WDR17: variants seen among roughly 807,000 people sequenced by gnomAD.
WDR17 encodes the protein WD repeat domain 17.
A neutral mutation model predicts 161.7 loss-of-function variants in WDR17; 143 were observed. The observed-to-expected ratio is 0.88, with a 90% CI of 0.77 to 1.02. WDR17 has a LOEUF of 1.02. Ranked by LOEUF, WDR17 falls within the 50% of genes least tolerant of loss-of-function variation. WDR17 has a pLI of 0.00. For missense variants in WDR17, 1,469 were observed against 1,520.9 expected, an observed-to-expected ratio of 0.97 and a Z score of 0.57; for synonymous variants, 517 against 515.6, an observed-to-expected ratio of 1.00 and a Z score of -0.04.
chr4:176,168,364 T>C (rs965463107), intron 22 of WDR17, among the ~76,000 whole-genome samples: 2 of 152,088 alleles, frequency 1.3e-5, no homozygotes, highest in African/African-American at 4.8e-5. Flanking sequence ...AAAGAACATA[T>C]TCAAAACTAC....
Position 176,177,578 on chromosome 4 carries a change from C to T in WDR17, c.3656C>T (p.Pro1219Leu), listed in dbSNP as rs746451912. The change falls in exon 28 of 29, where the codon CCA (proline) becomes CTA (leucine). Residue 1219 changes from proline (P) to leucine (L), a missense_variant. By Grantham distance (98) the Pro-to-Leu change is moderately conservative (BLOSUM62 -3). Coordinates refer to ENST00000508596, the MANE Select transcript of WDR17 (RefSeq NM_181265.4). ...KEESLKGIIG[P>L]DYVTGSNLPS... The stretch of plus-strand genomic sequence containing the variant: ...GAGTCACTGAAAGGAATTATTGGAC[C>T]AGATTATGTGACTGGATCAAATCTT... The T allele has an allele frequency of 1.9e-5, 30 of 1,596,222 alleles. No individual in the cohort carries two copies. The highest frequency in any genetic ancestry group is 1.5e-4 in the Admixed American group (8 of 53,052).
chr4:176,128,777 G>T lies in WDR17; in HGVS notation c.830G>T (p.Arg277Ile). Residue 277 changes from arginine (R) to isoleucine (I), a missense_variant, in exon 6 of 29, where the codon AGA becomes ATA. Arg to Ile is a moderately conservative substitution (Grantham distance 97, BLOSUM62 -3). Transcript: ENST00000508596. ...GTTTTACGCATTTGGAATGTTTCAAGAACAACACCTATTGATAATCTTAAA... is the reference window on the plus strand; with the variant it reads ...GTTTTACGCATTTGGAATGTTTCAATAACAACACCTATTGATAATCTTAAA... ...VGVLRIWNVS[R>I]TTPIDNLKLK... The T allele has an allele frequency of 6.2e-7, 1 of 1,604,648 alleles. No individual in the cohort carries two copies. The highest frequency in any genetic ancestry group is 1.1e-5 in the South Asian group (1 of 89,028).
chr4:176,139,134 C>T (rs527757835), intron 9 of WDR17, among the ~76,000 whole-genome samples: 1 of 151,910 alleles, frequency 6.6e-6, no homozygotes, highest in South Asian at 2.1e-4. Context: ...ACACAGCAAC[C>T]TTAAGCTACA....
At chr4:176,155,844 T>G (rs1021460732) in intron 17 of WDR17, among the ~76,000 whole-genome samples, 5 of 151,572 alleles carry the variant, frequency 3.3e-5, no homozygotes, top group Admixed American at 3.3e-4. Context: ...TTTACAGACA[T>G]CAGCCACCAT....
rs115072197 is a variant in WDR17 at position 176,165,990 on chromosome 4, A to G, written c.2991-2682A>G. 2.3e-3 allele frequency: 992 copies of G among 440,412 alleles called. 9 individuals are homozygous for G. Among genetic ancestry groups the G allele is most frequent in the African/African-American group, 0.019 (887 of 47,580 alleles). 27.3% of individuals were successfully genotyped at this position (440,412 alleles called of 1,614,324 possible). A position where few individuals can be genotyped will look rare whatever the true frequency, so the allele number is the denominator to read the frequency against. ...GAGCTGCACAGATTTTTTAAAAGAT[A>G]GCTACATCATTTATAAAGATGTGCA... On this transcript the variant is annotated intron_variant, in intron 22 of 28. Coordinates refer to ENST00000508596, the MANE Select transcript of WDR17 (RefSeq NM_181265.4).
At chr4:176,131,788 C>A in intron 7 of WDR17, 50 bp downstream of exon 7, 1 of 1,323,686 alleles carries the variant, frequency 7.6e-7, no homozygotes, top group South Asian at 2.1e-5. Flanking sequence ...TTTGTGTAAA[C>A]CCATGATCTT....
intron 25 of WDR17, among the ~76,000 whole-genome samples, 198 bp from the exon 26 acceptor site, chr4:176,174,419 A>G (rs1751171705): frequency 6.6e-6 from 1 of 152,164 alleles, no homozygotes; most frequent in Non-Finnish European, 1.5e-5. Flanking sequence ...TTTATAGTCT[A>G]ATTGATGGTA....
At chr4:176,123,192 T>C (rs1741874719) in intron 4 of WDR17, among the ~76,000 whole-genome samples, 1 of 152,232 alleles carries the variant, frequency 6.6e-6, no homozygotes, top group African/African-American at 2.4e-5. Flanking sequence ...TGTTTTATTT[T>C]AGGAATGTTG....
intron 1 of WDR17, among the ~76,000 whole-genome samples, chr4:176,075,982 G>GA (rs981263430): frequency 3.3e-5 from 5 of 150,124 alleles, no homozygotes; most frequent in African/African-American, 7.3e-5. Flanking sequence ...CTCAAAAAAG[G>GA]AAAAAAAAGT....
At chr4:176,177,391 A>C in intron 27 of WDR17, 80 bp from the exon 28 acceptor site, 1 of 1,304,194 alleles carries the variant, frequency 7.7e-7, no homozygotes. Context: ...CTAAATAATC[A>C]TCAGGGATAA....
intron 3 of WDR17, 37 bp from the exon 4 acceptor site, chr4:176,119,830 G>T (rs764174392): frequency 6.4e-7 from 1 of 1,554,768 alleles, no homozygotes; most frequent in Admixed American, 1.7e-5. Context: ...ATCTTATGCT[G>T]TATCTTTATT....
intron 20 of WDR17, among the ~76,000 whole-genome samples, chr4:176,161,836 C>T (rs1257129114): frequency 1.3e-5 from 2 of 152,152 alleles, no homozygotes; most frequent in Admixed American, 6.6e-5. Context: ...GAATGGTAAG[C>T]TTTTAAAATC....
chr4:176,155,583 GGCCCA>G (rs1378291045), intron 17 of WDR17, among the ~76,000 whole-genome samples: 2 of 113,758 alleles, frequency 1.8e-5, no homozygotes, highest in African/African-American at 7.7e-5. Flanking sequence ...CTTGCTCTGT[GGCCCA>G]GACTGGAGTG....
chr4:176,137,717 G>A (rs2126778033), intron 9 of WDR17, 106 bp downstream of exon 9: 1 of 588,934 alleles, frequency 1.7e-6, no homozygotes. Context: ...ATAATCAGGT[G>A]GTATGTGTGT....
intron 1 of WDR17, among the ~76,000 whole-genome samples, chr4:176,109,316 C>G (rs1739316831): frequency 6.6e-6 from 1 of 151,122 alleles, no homozygotes; most frequent in African/African-American, 2.4e-5. Flanking sequence ...TGTAACATTA[C>G]TAAGTGTAAA....
At chr4:176,174,832 A>G (rs751371758) in intron 26 of WDR17, 114 bp downstream of exon 26, 33 of 571,118 alleles carry the variant, frequency 5.8e-5, no homozygotes, top group African/African-American at 1.1e-4. Context: ...GTATCCATCT[A>G]TTTACTCAGC....
At chr4:176,102,403 A>G (rs1737963294) in intron 1 of WDR17, among the ~76,000 whole-genome samples, 1 of 152,234 alleles carries the variant, frequency 6.6e-6, no homozygotes, top group South Asian at 2.1e-4. Flanking sequence ...TGGGAATACA[A>G]AATGACACAG....
At chr4:176,093,921 C>T (rs1258228432) in intron 1 of WDR17, among the ~76,000 whole-genome samples, 1 of 152,064 alleles carries the variant, frequency 6.6e-6, no homozygotes, top group African/African-American at 2.4e-5. Context: ...TTTTCTTATT[C>T]CTTGCAAATA....
intron 12 of WDR17, 66 bp from the exon 13 acceptor site, chr4:176,148,067 A>G (rs1184204064): frequency 7.2e-7 from 1 of 1,384,258 alleles, no homozygotes; most frequent in Non-Finnish European, 1.0e-6. Context: ...CTCTATTAAG[A>G]ATATGTTAAT....
Sources: allele counts gnomAD v4.1 joint callset (sites outside exome capture counted in the v4.1 genomes callset), GRCh38; gene constraint gnomAD v4.1.1; transcripts MANE v1.5; gene names NCBI Gene and HGNC (gene_info 2026-07-23, HGNC 2026-07-21).